Variants in ELAVL2 observed in about 807,000 individuals in gnomAD.
ELAVL2 encodes the protein ELAV like RNA binding protein 2.
A neutral mutation model predicts 34.6 loss-of-function variants in ELAVL2; 4 were observed. The observed-to-expected ratio is 0.12, with a 90% confidence interval of 0.06 to 0.26. The LOEUF is 0.26. ELAVL2 is among the 10% of genes least tolerant of loss of function. ELAVL2 has a pLI of 1.00. For synonymous variants in ELAVL2, 193 were observed against 154.8 expected (o/e 1.25, Z -1.83); for missense variants, 432 against 442.8 (o/e 0.98, Z 0.22).
chr9:23,832,581 G>A, the ELAVL2 span, among the ~76,000 whole-genome samples: 2 of 152,136 alleles, frequency 1.3e-5, no homozygotes, highest in Non-Finnish European at 2.9e-5. Context: ...TAAGTGAATT[G>A]CAAGTTCGTT....
intron 1 of ELAVL2, among the ~76,000 whole-genome samples, chr9:23,786,827 T>C (rs1222907509): frequency 6.6e-6 from 1 of 150,732 alleles, no homozygotes; most frequent in Non-Finnish European, 1.5e-5. Flanking sequence ...AGGAAAGCCT[T>C]TTAAAAATCT....
chr9:23,744,738 C>T (rs1386371909), intron 2 of ELAVL2, among the ~76,000 whole-genome samples: 3 of 151,616 alleles, frequency 2.0e-5, no homozygotes, highest in Non-Finnish European at 4.4e-5. Flanking sequence ...CCTTCTCGCG[C>T]ACCCCCCACG....
chr9:23,776,034 TA>T, intron 1 of ELAVL2, among the ~76,000 whole-genome samples: 1 of 152,248 alleles, frequency 6.6e-6, no homozygotes, highest in East Asian at 1.9e-4. Context: ...AGGTGGCAAG[TA>T]AAAAACAACC....
At chr9:23,796,121 A>G (rs2060894801) in intron 1 of ELAVL2, among the ~76,000 whole-genome samples, 1 of 152,236 alleles carries the variant, frequency 6.6e-6, no homozygotes, top group South Asian at 2.1e-4. Flanking sequence ...GAAGAATTAA[A>G]CCAAAAGACA....
intron 3 of ELAVL2, among the ~76,000 whole-genome samples, chr9:23,715,432 GCCA>G (rs1305129209): frequency 1.3e-5 from 2 of 152,222 alleles, no homozygotes; most frequent in Non-Finnish European, 2.9e-5. Flanking sequence ...ACAGGCGTGA[GCCA>G]CCACGCCCAG....
chr9:23,816,396 A>G (rs575993277), intron 1 of ELAVL2, among the ~76,000 whole-genome samples: 178 of 151,732 alleles, frequency 1.2e-3, no homozygotes, highest in Non-Finnish European at 2.2e-3. Context: ...TGATATTTAT[A>G]AAAGATTTTT....
intron 2 of ELAVL2, among the ~76,000 whole-genome samples, chr9:23,750,241 T>C (rs1195150144): frequency 6.6e-6 from 1 of 152,098 alleles, no homozygotes; most frequent in East Asian, 1.9e-4. Flanking sequence ...TAGCTTTGTA[T>C]GTTCTAGAGC....
At chr9:23,798,416 C>T (rs911097287) in intron 1 of ELAVL2, among the ~76,000 whole-genome samples, 8 of 152,144 alleles carry the variant, frequency 5.3e-5, no homozygotes, top group African/African-American at 1.9e-4. Flanking sequence ...ACTCTACGTG[C>T]CATTTCCTTA....
chr9:23,692,499 C>G lies in ELAVL2; in HGVS notation c.*58G>C. The stretch of plus-strand genomic sequence containing the variant: ...ACATTTACTAATGTATAAAGTTTCT[C>G]TTAACTTGCCTTTGTTGTATAGTTT... On this transcript the variant is annotated 3_prime_UTR_variant, in exon 7 of 7. Coordinates refer to ENST00000397312, the MANE Select transcript of ELAVL2 (RefSeq NM_004432.5). 1 of 1,515,558 alleles carries G rather than the reference C, an allele frequency of 6.6e-7. No individual in the cohort carries two copies. The highest frequency in any genetic ancestry group is 8.9e-7 in the Non-Finnish European group (1 of 1,127,926). 93.9% of individuals were successfully genotyped at this position (1,515,558 alleles called of 1,614,324 possible).
intron 2 of ELAVL2, among the ~76,000 whole-genome samples, chr9:23,737,918 C>A (rs781488775): frequency 6.6e-6 from 1 of 151,940 alleles, no homozygotes; most frequent in South Asian, 2.1e-4. Flanking sequence ...CATGCCTTAA[C>A]GACAAAAAAA....
intron 1 of ELAVL2, among the ~76,000 whole-genome samples, chr9:23,810,808 C>G (rs555856034): frequency 6.6e-6 from 1 of 152,264 alleles, no homozygotes; most frequent in East Asian, 1.9e-4. Context: ...TCTATAAGGA[C>G]AGAAAAACTT....
At chr9:23,722,408 T>C (rs1341263413) in intron 3 of ELAVL2, among the ~76,000 whole-genome samples, 1 of 152,244 alleles carries the variant, frequency 6.6e-6, no homozygotes, top group Non-Finnish European at 1.5e-5. Context: ...CTGCTAAGTA[T>C]GACCTCCAGA....
chr9:23,751,533 T>C (rs983606381), intron 2 of ELAVL2, among the ~76,000 whole-genome samples: 1 of 152,208 alleles, frequency 6.6e-6, no homozygotes, highest in Non-Finnish European at 1.5e-5. Context: ...ATTAGGTTTT[T>C]GAACATCCCA....
At chr9:23,825,175 C>T (rs963220431) in intron 1 of ELAVL2, among the ~76,000 whole-genome samples, 6 of 152,146 alleles carry the variant, frequency 3.9e-5, no homozygotes, top group Non-Finnish European at 8.8e-5. Context: ...AATCAGAGCC[C>T]GCATACAATG....
At position 23,767,722 on chromosome 9, in the gene ELAVL2, G is replaced by C. The variant is rs1053043574; in HGVS notation, c.-15-5473C>G. On this transcript the variant is annotated intron_variant, in intron 1 of 6. Transcript: ENST00000397312. Reference sequence around the variant, plus strand: ...CAGGAGGGGGAGGTTGCAGTCAGCAGAGATCACACCACTTCACTCCATCCT... The same window carrying C: ...CAGGAGGGGGAGGTTGCAGTCAGCACAGATCACACCACTTCACTCCATCCT... Among the ~76,000 whole-genome samples the C allele has an allele frequency of 2.0e-5, 3 of 152,188 alleles. No homozygotes were observed. In the East Asian group the frequency reaches 5.8e-4, roughly 29 times the overall value.
intron 1 of ELAVL2, among the ~76,000 whole-genome samples, chr9:23,768,274 G>C (rs2056692176): frequency 6.6e-6 from 1 of 152,020 alleles, no homozygotes; most frequent in Non-Finnish European, 1.5e-5. Flanking sequence ...TTCTAGCTTT[G>C]TTTATGCAGT....
chr9:23,799,153 G>A (rs993602268), intron 1 of ELAVL2, among the ~76,000 whole-genome samples: 1 of 152,054 alleles, frequency 6.6e-6, no homozygotes, highest in Non-Finnish European at 1.5e-5. Flanking sequence ...TCTCACAGAA[G>A]CTTTTTAAAA....
chr9:23,732,945 T>C (rs2046942724), intron 2 of ELAVL2, among the ~76,000 whole-genome samples: 1 of 152,224 alleles, frequency 6.6e-6, no homozygotes, highest in East Asian at 1.9e-4. Flanking sequence ...ATTTTAAGTA[T>C]ATTCATTTAA....
rs2064972839 is a variant in ELAVL2, at chr9:23,822,628, G to A, written c.-16+3178C>T. On this transcript the variant is annotated intron_variant, in intron 1 of 6. Coordinates refer to ENST00000397312, the MANE Select transcript of ELAVL2 (RefSeq NM_004432.5). ...GTCAAAACCCACCCCGGAGCCACGC[G>A]GCTGGAGCACGTTTTTACACCTGCT... Among the ~76,000 whole-genome samples, 4 of 152,174 alleles carry A rather than the reference G, an allele frequency of 2.6e-5. No individual in the cohort carries two copies. In the South Asian group the frequency reaches 8.3e-4, roughly 32 times the overall value.
Sources: allele counts gnomAD v4.1 joint callset (sites outside exome capture counted in the v4.1 genomes callset), GRCh38; gene constraint gnomAD v4.1.1; transcripts MANE v1.5; gene names NCBI Gene and HGNC (gene_info 2026-07-23, HGNC 2026-07-21).